Variants in BTBD9 observed in about 807,000 individuals in gnomAD.
BTBD9 encodes the protein BTB domain containing 9, also known as BTB/POZ domain-containing protein 9.
A neutral mutation model predicts 64.3 loss-of-function variants in BTBD9; 49 were observed. The observed-to-expected ratio is 0.76, with a 90% CI of 0.61 to 0.97. BTBD9 has a LOEUF of 0.97. Ranked by LOEUF, BTBD9 falls within the 50% of genes least tolerant of loss-of-function variation. The pLI, the probability that BTBD9 is intolerant of heterozygous loss-of-function variation, is 0.00. For synonymous variants in BTBD9, 260 were observed against 274.7 expected, an observed-to-expected ratio of 0.95 and a Z score of 0.53; for missense variants, 598 against 762.1, an observed-to-expected ratio of 0.78 and a Z score of 2.53.
intron 3 of BTBD9, 102 bp from the exon 4 acceptor site, chr6:38,592,942 T>A (rs1776869823): frequency 1.6e-6 from 2 of 1,220,584 alleles, no homozygotes; most frequent in Admixed American, 2.2e-5. Context: ...GCCAATTAAC[T>A]CTTTTTGACC....
chr6:38,635,771 C>A (rs970621822), intron 1 of BTBD9, among the ~76,000 whole-genome samples: 4 of 152,142 alleles, frequency 2.6e-5, no homozygotes, highest in African/African-American at 9.7e-5. Flanking sequence ...AATTTCTGTT[C>A]TTTATAAATT....
intron 4 of BTBD9, among the ~76,000 whole-genome samples, chr6:38,582,453 CAG>C (rs772173650): frequency 9.2e-5 from 14 of 152,148 alleles, no homozygotes; most frequent in Non-Finnish European, 1.6e-4. Context: ...AAAAGTTAGA[CAG>C]ACTTACTTGT....
intron 9 of BTBD9, among the ~76,000 whole-genome samples, chr6:38,219,952 G>A (rs1582069525): frequency 6.6e-6 from 1 of 152,144 alleles, no homozygotes; most frequent in Admixed American, 6.5e-5. Context: ...ATTTAATATG[G>A]TAATATGGTA....
chr6:38,624,622 G>A (rs1466638790), intron 1 of BTBD9, among the ~76,000 whole-genome samples: 7 of 150,360 alleles, frequency 4.7e-5, no homozygotes, highest in African/African-American at 1.5e-4. Context: ...AACAAAAATA[G>A]AAATACATTA....
chr6:38,193,229 G>C (rs1001313408), intron 9 of BTBD9, among the ~76,000 whole-genome samples: 1 of 152,252 alleles, frequency 6.6e-6, no homozygotes, highest in Admixed American at 6.5e-5. Flanking sequence ...TACTCAGCTC[G>C]GCAGGCTTCT....
rs982484199 is a variant in BTBD9, at chr6:38,484,663, A to C, written c.1154+92937T>G. ...AGCCACACAAATCTTTTGGTTTCTC[A>C]GTGCATATAAAAATTACGTTTACAC... is the stretch of plus-strand genomic sequence containing the variant. On this transcript the variant is annotated intron_variant, in intron 6 of 10. Coordinates refer to ENST00000481247, the MANE Select transcript of BTBD9 (RefSeq NM_001099272.2). Among the ~76,000 whole-genome samples, 13 of 152,250 alleles carry C rather than the reference A, an allele frequency of 8.5e-5. 1 individual carries two copies. The highest frequency in any genetic ancestry group is 7.2e-4 in the Admixed American group (11 of 15,288).
At chr6:38,588,222 A>G (rs1201634665) in intron 4 of BTBD9, 2 of 977,908 alleles carry the variant, frequency 2.0e-6, no homozygotes, top group African/African-American at 3.2e-5. Flanking sequence ...CCAGCAACCA[A>G]CTACCCAGGC....
intron 6 of BTBD9, among the ~76,000 whole-genome samples, chr6:38,564,544 A>AT (rs956665308): frequency 6.6e-6 from 1 of 152,136 alleles, no homozygotes; most frequent in Non-Finnish European, 1.5e-5. Context: ...CTAGTTAGAG[A>AT]TTTTTTAATC....
intron 9 of BTBD9, among the ~76,000 whole-genome samples, chr6:38,243,441 C>A (rs1385060308): frequency 6.7e-6 from 1 of 149,232 alleles, no homozygotes; most frequent in Non-Finnish European, 1.5e-5. Flanking sequence ...AGTACAGCAA[C>A]AGACGTAGAG....
intron 8 of BTBD9, among the ~76,000 whole-genome samples, chr6:38,276,481 T>G (rs1761262057): frequency 6.6e-6 from 1 of 152,022 alleles, no homozygotes; most frequent in South Asian, 2.1e-4. Flanking sequence ...ACATGTACCC[T>G]AAAACTTAAA....
At chr6:38,464,138 T>C (rs1026401476) in intron 6 of BTBD9, among the ~76,000 whole-genome samples, 1 of 152,166 alleles carries the variant, frequency 6.6e-6, no homozygotes, top group African/African-American at 2.4e-5. Context: ...GGAGTGACCA[T>C]GTGTGGGTAC....
chr6:38,455,712 GT>G (rs1158534518), intron 6 of BTBD9, among the ~76,000 whole-genome samples: 1 of 152,048 alleles, frequency 6.6e-6, no homozygotes, highest in Non-Finnish European at 1.5e-5. Context: ...TTTTTTGTTT[GT>G]TTTTTTGTTT....
rs1777414674 is a variant in BTBD9, at chr6:38,605,876, G to A, written c.-27-7755C>T. 2.0e-5 allele frequency among the ~76,000 whole-genome samples: 3 copies of A among 152,188 alleles called. No individual in the cohort carries two copies. In the South Asian group the frequency reaches 6.2e-4, roughly 32 times the overall value. ...GAAAGATGCAAAGTATTGTTCCTGG[G>A]TATGTCTGTGAGGGTGTTGCCAAAG... is the stretch of plus-strand genomic sequence containing the variant. On this transcript the variant is annotated intron_variant, in intron 1 of 10. Transcript: ENST00000481247.
At chr6:38,302,786 C>T (rs1171613654) in intron 7 of BTBD9, among the ~76,000 whole-genome samples, 1 of 151,962 alleles carries the variant, frequency 6.6e-6, no homozygotes, top group East Asian at 1.9e-4. Context: ...TTCCCCCTTT[C>T]TCCACATCCA....
At chr6:38,275,984 C>T (rs1344718713) in intron 8 of BTBD9, among the ~76,000 whole-genome samples, 1 of 152,188 alleles carries the variant, frequency 6.6e-6, no homozygotes, top group South Asian at 2.1e-4. Context: ...TTGACCCAGC[C>T]ATCCCATTAC....
chr6:38,180,070 T>C (rs1761478234), intron 10 of BTBD9, among the ~76,000 whole-genome samples: 2 of 152,246 alleles, frequency 1.3e-5, no homozygotes. Flanking sequence ...CAGCCAAATG[T>C]GGCAACTGTG....
In BTBD9 at chr6:38,184,511, C is replaced by CATAT. The variant is rs1761730077; in HGVS notation, c.1641+8007_1641+8008insATAT. Among the ~76,000 whole-genome samples the CATAT allele has an allele frequency of 6.6e-6, 1 of 152,124 alleles. No individual in the cohort carries two copies. The highest frequency in any genetic ancestry group is 6.5e-5 in the Admixed American group (1 of 15,278). ...GCTGGAACTGGTGCTCTCTGCAGACCAGGAGCTTTTGCAAGGAGAGGGCTG... is the reference window on the plus strand; with the variant it reads ...GCTGGAACTGGTGCTCTCTGCAGACCATATAGGAGCTTTTGCAAGGAGAGGGCTG... On this transcript the variant is annotated intron_variant, in intron 10 of 10. Transcript: ENST00000481247. This position sits in a 1 kb window ranked among gnomAD's most constrained non-coding sequence, Gnocchi z 4.4.
intron 6 of BTBD9, among the ~76,000 whole-genome samples, chr6:38,455,858 G>T (rs960378062): frequency 3.3e-5 from 5 of 152,144 alleles, no homozygotes; most frequent in African/African-American, 9.7e-5. Flanking sequence ...TGTATTTTTA[G>T]TAGAGATGGG....
intron 7 of BTBD9, among the ~76,000 whole-genome samples, chr6:38,310,367 A>G (rs1163980066): frequency 6.6e-6 from 1 of 152,052 alleles, no homozygotes. Context: ...AAGGCAGCCA[A>G]AGTCTTCCAA....
Sources: allele counts gnomAD v4.1 joint callset (sites outside exome capture counted in the v4.1 genomes callset), GRCh38; gene constraint gnomAD v4.1.1; non-coding constraint Gnocchi (gnomAD v3.1); transcripts MANE v1.5; gene names NCBI Gene and HGNC (gene_info 2026-07-23, HGNC 2026-07-21).